The following DAPK3 variants were observed in gnomAD, a reference collection of about 807,000 sequenced individuals.
DAPK3 encodes death associated protein kinase 3.
Under a neutral mutation model 30.6 loss-of-function variants are expected in DAPK3, and 24 were observed. The ratio of observed to expected loss-of-function variants is 0.78; its 90% CI spans 0.57 to 1.10. The LOEUF is 1.10. DAPK3 is among the 50% of genes least tolerant of loss of function. The pLI, the probability that DAPK3 is intolerant of heterozygous loss-of-function variation, is 0.00. For missense variants in DAPK3, 629 were observed against 657.3 expected, an observed-to-expected ratio of 0.96 and a Z score of 0.47; for synonymous variants, 341 against 284.0, an observed-to-expected ratio of 1.20 and a Z score of -2.02.
intron 2 of DAPK3, among the ~76,000 whole-genome samples, chr19:3,968,281 GGTCA>G (rs1365174133): frequency 1.3e-5 from 2 of 152,202 alleles, no homozygotes; most frequent in Non-Finnish European, 2.9e-5. Context: ...AATCACCTGA[GGTCA>G]GTAGTTCGAG....
Position 3,958,937 on chromosome 19 carries a change from T to A in DAPK3, c.*164A>T. On this transcript the variant is annotated 3_prime_UTR_variant, in exon 9 of 9. Transcript: ENST00000545797. ...GCCCCGTCCCACACCCACCCCTGCC[T>A]GCGAACTTACGGGCCTGGCTCCAGC... The A allele has an allele frequency of 1.7e-6, 1 of 585,352 alleles. No homozygotes were observed. Among genetic ancestry groups the A allele is most frequent in the Non-Finnish European group, 3.0e-6 (1 of 332,488 alleles). 36.3% of individuals were successfully genotyped at this position (585,352 alleles called of 1,614,324 possible).
Position 3,959,465 on chromosome 19 carries a change from GC to G in DAPK3, c.1000del (p.Ala334ProfsTer94). 1 of 1,546,090 alleles carries G rather than the reference GC, an allele frequency of 6.5e-7. No individual in the cohort carries two copies. Among genetic ancestry groups the G allele is most frequent in the East Asian group, 2.4e-5 (1 of 41,880 alleles). ...RFSKVLEEAA[A>X]AEEGLRELQR... ...CAGCTCGCGCAGGCCCTCCTCGGCG[GC>G]CGCCGCCTCCTCCAGCACCTTGGAG... On this transcript the variant is annotated frameshift_variant, in exon 9 of 9. Coordinates refer to ENST00000545797, the MANE Select transcript of DAPK3 (RefSeq NM_001348.3). LOFTEE classifies it low-confidence loss of function (END_TRUNC).
In DAPK3 at chr19:3,964,281, G is replaced by C; in HGVS notation, c.516C>G (p.Asn172Lys). The change falls in exon 4 of 9, where the codon AAC (asparagine) becomes AAG (lysine). Residue 172 changes from asparagine to lysine, a missense_variant. Physicochemically the swap from Asn to Lys is moderately conservative, Grantham distance 94. Around this residue, in one of 2 missense-constraint regions of DAPK3, gnomAD observed 306 missense variants for 378.5 expected, o/e 0.81. Coordinates refer to ENST00000545797, the MANE Select transcript of DAPK3 (RefSeq NM_001348.3). ...FGIAHKIEAG[N>K]EFKNIFGTPE... ...GGGTGCCGAAGATGTTCTTGAACTC[G>C]TTCCCCGCCTCGATCTTGTGCGCGA... is the stretch of plus-strand genomic sequence containing the variant. 1 of 1,613,528 alleles carries C rather than the reference G, an allele frequency of 6.2e-7. No individual in the cohort carries two copies. Among genetic ancestry groups the C allele is most frequent in the Non-Finnish European group, 8.5e-7 (1 of 1,179,516 alleles).
intron 2 of DAPK3, among the ~76,000 whole-genome samples, chr19:3,966,890 C>A (rs2039582856): frequency 6.6e-6 from 1 of 152,222 alleles, no homozygotes; most frequent in Non-Finnish European, 1.5e-5. Flanking sequence ...AGGCCACTGG[C>A]AGGCTCTCAG....
In DAPK3 at chr19:3,964,211, C is replaced by A. The variant is rs372513512; in HGVS notation, c.553+33G>T. The A allele has an allele frequency of 2.2e-4, 343 of 1,570,864 alleles. 1 individual carries two copies. The highest frequency in any genetic ancestry group is 1.1e-5 in the Non-Finnish European group (13 of 1,150,608). ...GCAGGCAGCCCCAGACCACCCTCCC[C>A]AGGCCGGGGCTGCCCACTGGGCAGG... On this transcript the variant is annotated intron_variant, in intron 4 of 8. Transcript: ENST00000545797.
In DAPK3 at chr19:3,964,648, C is replaced by T. The variant is rs756550520; in HGVS notation, c.406G>A (p.Ala136Thr). Residue 136 changes from alanine to threonine, a missense_variant, in exon 3 of 9, where the codon GCA becomes ACA. Transcript: ENST00000545797. ...GGGCTCACCTTCAGGTCAAAGTGTG[C>T]GATGCGCTTAGAGTGCAGGTAGTGA... The part of the protein sequence containing the change: ...GVHYLHSKRI[A>T]HFDLKPENIM... 7 of 1,419,008 alleles carry T rather than the reference C, an allele frequency of 4.9e-6. No homozygotes were observed. Among genetic ancestry groups the T allele is most frequent in the African/African-American group, 1.5e-5 (1 of 67,610 alleles). The allele number at this position is 1,419,008 out of a possible 1,614,324, so 87.9% of individuals were successfully genotyped here.
At chr19:3,965,229 G>C (rs1312982057) in intron 2 of DAPK3, among the ~76,000 whole-genome samples, 1 of 152,254 alleles carries the variant, frequency 6.6e-6, no homozygotes, top group African/African-American at 2.4e-5. Flanking sequence ...TGCCCAGCAG[G>C]TGTGTGGAGG....
chr19:3,961,432 C>T (rs773105166), intron 6 of DAPK3: 3 of 599,122 alleles, frequency 5.0e-6, no homozygotes, highest in Admixed American at 1.9e-5. Flanking sequence ...TGTGCAGACG[C>T]AGAGCCCGAA....
intron 8 of DAPK3, 116 bp downstream of exon 8, chr19:3,959,943 T>A: frequency 1.3e-6 from 1 of 773,796 alleles, no homozygotes; most frequent in Non-Finnish European, 2.3e-6. Context: ...CTGGGGACCC[T>A]CCCCAGCCAC....
intron 1 of DAPK3, 113 bp from the exon 2 acceptor site, chr19:3,969,942 G>A: frequency 3.5e-6 from 2 of 573,132 alleles, no homozygotes; most frequent in Non-Finnish European, 6.2e-6. Context: ...CCACTCTGAA[G>A]CTCCAAACTC....
In DAPK3 at chr19:3,960,194, A is replaced by G; in HGVS notation, c.783-90T>C. ...GACTCCCGGGACCCCCAAAAGCCCT[A>G]AAGTCGCCCCCCAGCCTCTGCTCAG... On this transcript the variant is annotated intron_variant, in intron 7 of 8. Transcript: ENST00000545797. 4.1e-6 allele frequency: 3 copies of G among 733,592 alleles called. No homozygotes were observed. In the South Asian group the frequency reaches 4.8e-5, roughly 12 times the overall value. 45.4% of individuals were successfully genotyped at this position (733,592 alleles called of 1,614,324 possible). A position where few individuals can be genotyped will look rare whatever the true frequency, so the allele number is the denominator to read the frequency against.
rs1227131085 is a variant in DAPK3 at position 3,964,141 on chromosome 19, C to T, written c.553+103G>A. 1.4e-5 allele frequency: 15 copies of T among 1,109,428 alleles called. No homozygotes were observed. In the East Asian group the frequency reaches 1.6e-4, roughly 11 times the overall value. The allele number at this position is 1,109,428 out of a possible 1,614,324, so 68.7% of individuals were successfully genotyped here. On this transcript the variant is annotated intron_variant, in intron 4 of 8. Coordinates refer to ENST00000545797, the MANE Select transcript of DAPK3 (RefSeq NM_001348.3). ...GGCCCAAGAGGGGTGGCTTCAGGGC[C>T]GAGGACGCGGCACCCAGCACCGGGC...
chr19:3,959,512 G>GT lies in DAPK3; in HGVS notation c.953_954insA (p.Ser318ArgfsTer259). The GT allele has an allele frequency of 6.4e-7, 1 of 1,566,830 alleles. No individual in the cohort carries two copies. The highest frequency in any genetic ancestry group is 1.2e-5 in the South Asian group (1 of 86,588). On this transcript the variant is annotated frameshift_variant, in exon 9 of 9. Transcript: ENST00000545797. LOFTEE classifies it low-confidence loss of function (END_TRUNC). ...TGGAGAAGCGCTCGAAGTCGGCGTA[G>GT]CTGTTGTTGGGCGGCAAGCTGGAGT...
chr19:3,961,390 A>G (rs2039510102), intron 6 of DAPK3: 2 of 683,048 alleles, frequency 2.9e-6, no homozygotes, highest in Non-Finnish European at 2.8e-6. Flanking sequence ...AGAAATGAAC[A>G]GGCAGAAGTC....
intron 8 of DAPK3, 34 bp from the exon 9 acceptor site, chr19:3,959,671 C>T (rs746811784): frequency 2.6e-6 from 4 of 1,518,164 alleles, no homozygotes; most frequent in African/African-American, 1.4e-5. Context: ...GGGGTCCCCG[C>T]GATGCCACCC....
At position 3,958,723 on chromosome 19, in the gene DAPK3, C is replaced by T; in HGVS notation, c.*378G>A. On this transcript the variant is annotated 3_prime_UTR_variant, in exon 9 of 9. Coordinates refer to ENST00000545797, the MANE Select transcript of DAPK3 (RefSeq NM_001348.3). Reference sequence around the variant, plus strand: ...ATGGCAGCAACAGGCAGCACCCCGCCGAATTGTCCGTGCAACTACCCGCAA... The same window carrying T: ...ATGGCAGCAACAGGCAGCACCCCGCTGAATTGTCCGTGCAACTACCCGCAA... 2.4e-6 allele frequency: 1 copy of T among 412,550 alleles called. No individual in the cohort carries two copies. Among genetic ancestry groups the T allele is most frequent in the Non-Finnish European group, 4.6e-6 (1 of 217,316 alleles). The allele number at this position is 412,550 out of a possible 1,614,324, so 25.6% of individuals were successfully genotyped here. A position where few individuals can be genotyped will look rare whatever the true frequency, so the allele number is the denominator to read the frequency against.
rs766623497 is a variant in DAPK3 at position 3,964,368 on chromosome 19, T to C, written c.429A>G (p.Glu143=). Residue 143 remains glutamate (E), a synonymous_variant, in exon 4 of 9, where the codon GAA becomes GAG. Transcript: ENST00000545797. ...KRIAHFDLKP[E]NIMLLDKNVP... ...CGTTCTTGTCCAGCAGCATGATGTT[T>C]TCCGGCTGGGGTGGGAGGAGGCTCA... is the stretch of plus-strand genomic sequence containing the variant. 6.2e-7 allele frequency: 1 copy of C among 1,612,236 alleles called. No individual in the cohort carries two copies.
intron 2 of DAPK3, among the ~76,000 whole-genome samples, chr19:3,966,878 C>G (rs1265122497): frequency 6.6e-6 from 1 of 152,228 alleles, no homozygotes; most frequent in Admixed American, 6.5e-5. Flanking sequence ...TCCTTAGAGG[C>G]AAGGCCACTG....
At chr19:3,966,489 G>A (rs1330706324) in intron 2 of DAPK3, among the ~76,000 whole-genome samples, 1 of 152,194 alleles carries the variant, frequency 6.6e-6, no homozygotes, top group African/African-American at 2.4e-5. Context: ...CCTCTGCTGG[G>A]CTTGGATCCA....
Sources: allele counts gnomAD v4.1 joint callset (sites outside exome capture counted in the v4.1 genomes callset), GRCh38; gene constraint gnomAD v4.1.1; regional missense constraint gnomAD v4.1.1; transcripts MANE v1.5; gene names NCBI Gene and HGNC (gene_info 2026-07-23, HGNC 2026-07-21).